NCOA2: variants seen among roughly 807,000 people sequenced by gnomAD.
NCOA2 encodes class E basic helix-loop-helix protein 75.
NCOA2 carries 21 observed loss-of-function variants against 145.1 expected under a neutral mutation model. The observed-to-expected ratio is 0.14, with a 90% confidence interval of 0.10 to 0.21. NCOA2 has a LOEUF of 0.21. Ranked by LOEUF, NCOA2 falls within the 10% of genes least tolerant of loss-of-function variation. The pLI, the probability that NCOA2 is intolerant of heterozygous loss-of-function variation, is 1.00. For missense variants in NCOA2, 1,472 were observed against 1,837.6 expected, an observed-to-expected ratio of 0.80 and a Z score of 3.64; for synonymous variants, 619 against 637.5, an observed-to-expected ratio of 0.97 and a Z score of 0.44.
chr8:70,124,629 G>A (rs1808200596), intron 20 of NCOA2, 59 bp downstream of exon 20: 1 of 1,478,350 alleles, frequency 6.8e-7, no homozygotes, highest in Non-Finnish European at 9.1e-7. Flanking sequence ...GCATGAAGGT[G>A]GGGGATGTCC....
intron 11 of NCOA2, among the ~76,000 whole-genome samples, chr8:70,154,732 GCTTA>G (rs1015761962): frequency 7.2e-5 from 11 of 152,246 alleles, no homozygotes; most frequent in African/African-American, 1.4e-4. Context: ...AAGAAAAATA[GCTTA>G]CTTTTTCCCT....
intron 1 of NCOA2, among the ~76,000 whole-genome samples, chr8:70,366,059 A>G (rs1810657980): frequency 6.6e-6 from 1 of 152,220 alleles, no homozygotes; most frequent in Non-Finnish European, 1.5e-5. Flanking sequence ...AAAAGCTAAC[A>G]AAGCCATGAG....
chr8:70,198,459 C>A (rs1349545112), intron 4 of NCOA2, among the ~76,000 whole-genome samples: 1 of 152,162 alleles, frequency 6.6e-6, no homozygotes, highest in Non-Finnish European at 1.5e-5. Flanking sequence ...AGGCATTTTC[C>A]TTCGTCCTGC....
At chr8:70,153,553 T>C (rs1401833358) in intron 11 of NCOA2, among the ~76,000 whole-genome samples, 1 of 152,058 alleles carries the variant, frequency 6.6e-6, no homozygotes, top group Non-Finnish European at 1.5e-5. Flanking sequence ...AAATAAATCG[T>C]TTACACAGGG....
chr8:70,197,788 T>C (rs573456641), intron 4 of NCOA2, among the ~76,000 whole-genome samples: 4 of 152,246 alleles, frequency 2.6e-5, no homozygotes, highest in African/African-American at 9.6e-5. Flanking sequence ...TCTTAAAGCA[T>C]CTGAAGAAAA....
intron 2 of NCOA2, among the ~76,000 whole-genome samples, chr8:70,280,169 G>A (rs1429369987): frequency 2.6e-5 from 4 of 152,094 alleles, no homozygotes; most frequent in African/African-American, 9.7e-5. Context: ...CCTATTCTTA[G>A]GGATACCTTA....
rs1318884447 is a variant in NCOA2 at position 70,112,564 on chromosome 8, T to A, written c.*1068A>T. ...AGGCCAGAGTTGCTGGGGAACAGAA[T>A]AAACATGCTTCCAAAGCAGGTATCC... On this transcript the variant is annotated 3_prime_UTR_variant, in exon 23 of 23. Coordinates refer to ENST00000452400, the MANE Select transcript of NCOA2 (RefSeq NM_006540.4). The A allele has an allele frequency of 4.9e-6, 1 of 204,400 alleles. No individual in the cohort carries two copies. The highest frequency in any genetic ancestry group is 1.0e-5 in the Non-Finnish European group (1 of 99,864). 12.7% of individuals were successfully genotyped at this position (204,400 alleles called of 1,614,324 possible).
intron 14 of NCOA2, 27 bp from the exon 15 acceptor site, chr8:70,138,359 A>T (rs1300370254): frequency 6.4e-7 from 1 of 1,570,562 alleles, no homozygotes; most frequent in African/African-American, 1.4e-5. Context: ...AAAAAATCTT[A>T]CATCTTTAAT....
chr8:70,435,726 A>G, the NCOA2 span, among the ~76,000 whole-genome samples: 4 of 151,182 alleles, frequency 2.6e-5, no homozygotes, highest in Non-Finnish European at 5.9e-5. Flanking sequence ...TTATATATAT[A>G]TATATATGAT....
At position 70,252,198 on chromosome 8, in the gene NCOA2, C is replaced by T. The variant is rs140098369; in HGVS notation, c.-19-35434G>A. On this transcript the variant is annotated intron_variant, in intron 2 of 22. Coordinates refer to ENST00000452400, the MANE Select transcript of NCOA2 (RefSeq NM_006540.4). Reference sequence around the variant, plus strand: ...ATGTGCCTAGCTTTAGAATCATTTACGTACTAAGTAAGGAGAATCTCCCAA... The same window carrying T: ...ATGTGCCTAGCTTTAGAATCATTTATGTACTAAGTAAGGAGAATCTCCCAA... Among the ~76,000 whole-genome samples, 486 of 152,256 alleles carry T rather than the reference C, an allele frequency of 3.2e-3. 3 individuals are homozygous for T. The highest frequency in any genetic ancestry group is 0.01 in the African/African-American group (433 of 41,542).
At chr8:70,144,591 CATTAA>C (rs1276728634) in intron 13 of NCOA2, 46 bp downstream of exon 13, 1 of 1,433,664 alleles carries the variant, frequency 7.0e-7, no homozygotes, top group African/African-American at 1.4e-5. Flanking sequence ...ATAAATATAC[CATTAA>C]ATTAAATAAC....
intron 2 of NCOA2, among the ~76,000 whole-genome samples, chr8:70,275,934 A>G (rs1002579034): frequency 6.6e-6 from 1 of 152,224 alleles, no homozygotes; most frequent in East Asian, 1.9e-4. Context: ...AGTTTGGCCA[A>G]AAAATACTAA....
intron 1 of NCOA2, among the ~76,000 whole-genome samples, chr8:70,393,727 T>C (rs949238167): frequency 6.6e-6 from 1 of 152,210 alleles, no homozygotes; most frequent in South Asian, 2.1e-4. Flanking sequence ...GGGCTCCCCT[T>C]GTCTCCTGGT....
intron 13 of NCOA2, among the ~76,000 whole-genome samples, chr8:70,143,810 C>T (rs570525289): frequency 1.3e-5 from 2 of 152,334 alleles, no homozygotes; most frequent in African/African-American, 4.8e-5. Context: ...AGATTTCTTT[C>T]CATGCCTTTG....
chr8:70,156,104 G>T lies in NCOA2; in HGVS notation c.2261C>A (p.Thr754Asn). Residue 754 changes from threonine to asparagine, a missense_variant, in exon 11 of 23, where the codon ACT becomes AAT. Around this residue, in one of 4 missense-constraint regions of NCOA2, gnomAD observed 953 missense variants for 1,062.1 expected, o/e 0.90. Coordinates refer to ENST00000452400, the MANE Select transcript of NCOA2 (RefSeq NM_006540.4). ...TATTTCTGGTAAACCAATATCTTTAGTATCATCTTTATCTAGCAAATAGCG... is the reference window on the plus strand; with the variant it reads ...TATTTCTGGTAAACCAATATCTTTATTATCATCTTTATCTAGCAAATAGCG... Reference protein sequence around the residue: ...LLRYLLDKDDTKDIGLPEITP... With the variant: ...LLRYLLDKDDNKDIGLPEITP... The T allele has an allele frequency of 6.2e-7, 1 of 1,613,950 alleles. No homozygotes were observed. Among genetic ancestry groups the T allele is most frequent in the Non-Finnish European group, 8.5e-7 (1 of 1,179,884 alleles).
intron 2 of NCOA2, among the ~76,000 whole-genome samples, chr8:70,275,914 T>C (rs13261087): frequency 0.45 from 69,080 of 152,120 alleles, 18,498 homozygotes; most frequent in Non-Finnish European, 0.59. Context: ...GCTGGTAGTA[T>C]AGCAGAAATA....
the NCOA2 span, among the ~76,000 whole-genome samples, chr8:70,423,739 C>T: frequency 6.6e-6 from 1 of 152,094 alleles, no homozygotes; most frequent in Non-Finnish European, 1.5e-5. Context: ...TAAGCGGAGA[C>T]TCAAAGGAAC....
intron 2 of NCOA2, among the ~76,000 whole-genome samples, chr8:70,220,353 A>C (rs943468668): frequency 9.9e-5 from 15 of 152,250 alleles, no homozygotes; most frequent in African/African-American, 3.6e-4. Flanking sequence ...TGGTAATTAC[A>C]GTCATTGAGA....
chr8:70,399,651 T>C (rs1302005275), intron 1 of NCOA2, among the ~76,000 whole-genome samples: 1 of 152,258 alleles, frequency 6.6e-6, no homozygotes, highest in Non-Finnish European at 1.5e-5. Flanking sequence ...AGCAGTTTTT[T>C]CATAACAATA....
Sources: allele counts gnomAD v4.1 joint callset (sites outside exome capture counted in the v4.1 genomes callset), GRCh38; gene constraint gnomAD v4.1.1; regional missense constraint gnomAD v4.1.1; transcripts MANE v1.5; gene names NCBI Gene and HGNC (gene_info 2026-07-23, HGNC 2026-07-21).